ADGRE2: variants seen among roughly 807,000 people sequenced by gnomAD.
ADGRE2 encodes adhesion G protein-coupled receptor E2.
A neutral mutation model predicts 100.8 loss-of-function variants in ADGRE2; 83 were observed. The ratio of observed to expected loss-of-function variants is 0.82; its 90% CI spans 0.69 to 0.99. ADGRE2 has a LOEUF of 0.99. ADGRE2 is among the 50% of genes least tolerant of loss of function. The probability of loss-of-function intolerance (pLI) is 0.00; values close to 1 mark genes in which losing one functional copy is unlikely to be tolerated. For missense variants in ADGRE2, 814 were observed against 1,035.7 expected (o/e 0.79, Z 2.94); for synonymous variants, 355 against 413.0 (o/e 0.86, Z 1.70).
intron 9 of ADGRE2, 24 bp downstream of exon 9, chr19:14,765,500 C>T (rs1187597656): frequency 6.2e-7 from 1 of 1,613,410 alleles, no homozygotes. Flanking sequence ...TTCCCGCCGC[C>T]TCGTCCCTGT....
At chr19:14,751,345 T>G in intron 16 of ADGRE2, 91 bp downstream of exon 16, 1 of 899,430 alleles carries the variant, frequency 1.1e-6, no homozygotes, top group South Asian at 1.5e-5. Flanking sequence ...CTGATCTAAT[T>G]AAAAGCAGGT....
intron 11 of ADGRE2, among the ~76,000 whole-genome samples, chr19:14,757,463 C>T (rs1451544828): frequency 1.3e-5 from 2 of 152,166 alleles, no homozygotes; most frequent in Non-Finnish European, 2.9e-5. Flanking sequence ...ATTCACACTA[C>T]CTGATTCCAA....
intron 7 of ADGRE2, 64 bp downstream of exon 7, chr19:14,766,171 G>GTTTGTGT (rs747334462): frequency 9.3e-6 from 15 of 1,611,760 alleles, no homozygotes; most frequent in Middle Eastern, 3.3e-4. Flanking sequence ...GTTTGTGTGG[G>GTTTGTGT]CGCCGTTGAA....
chr19:14,742,313 C>G (rs1255425173), intron 20 of ADGRE2, among the ~76,000 whole-genome samples: 1 of 152,150 alleles, frequency 6.6e-6, no homozygotes, highest in Non-Finnish European at 1.5e-5. Context: ...CTCACTGCAG[C>G]CTCAAACTCC....
At position 14,746,261 on chromosome 19, in the gene ADGRE2, A is replaced by G. The variant is rs2043083305; in HGVS notation, c.2154T>C (p.Asn718=). ...TGTTCCGGAGGGTGGACACTTCACTATTGAGGGAGGAGAGTCTGTTTTTCA... is the reference window on the plus strand; with the variant it reads ...TGTTCCGGAGGGTGGACACTTCACTGTTGAGGGAGGAGAGTCTGTTTTTCA... ...WILKNRLSSL[N]SEVSTLRNTR... The change falls in exon 18 of 21, where the codon AAT becomes AAC. Residue 718 remains asparagine, a synonymous_variant. Transcript: ENST00000315576. 2 of 1,608,558 alleles carry G rather than the reference A, an allele frequency of 1.2e-6. No homozygotes were observed. The highest frequency in any genetic ancestry group is 1.7e-6 in the Non-Finnish European group (2 of 1,175,360).
intron 20 of ADGRE2, among the ~76,000 whole-genome samples, chr19:14,739,278 T>C (rs1346663235): frequency 6.6e-6 from 1 of 152,170 alleles, no homozygotes; most frequent in Non-Finnish European, 1.5e-5. Flanking sequence ...CCAAGGCACA[T>C]ACATTTTCAA....
At chr19:14,768,859 G>A (rs1030481245) in intron 5 of ADGRE2, 2 of 152,412 alleles carry the variant, frequency 1.3e-5, no homozygotes, top group South Asian at 2.1e-4. Flanking sequence ...TGGCAGGTTC[G>A]ACTGGGGACA....
intron 20 of ADGRE2, 143 bp from the exon 21 acceptor site, chr19:14,736,387 G>C (rs2042746105): frequency 1.8e-6 from 1 of 544,926 alleles, no homozygotes; most frequent in African/African-American, 2.0e-5. Context: ...TCAGCCTCCA[G>C]AGTAGCCAGG....
At chr19:14,755,540 TG>T in intron 13 of ADGRE2, 113 bp downstream of exon 13, 3 of 939,000 alleles carry the variant, frequency 3.2e-6, no homozygotes, top group Non-Finnish European at 5.1e-6. Context: ...CTGACTTTCC[TG>T]GGGAGATAAT....
intron 5 of ADGRE2, among the ~76,000 whole-genome samples, chr19:14,768,495 C>A (rs959696282): frequency 6.6e-6 from 1 of 152,176 alleles, no homozygotes; most frequent in Non-Finnish European, 1.5e-5. Flanking sequence ...TCTGTCATCT[C>A]ATCTCTTGGC....
downstream of ADGRE2, among the ~76,000 whole-genome samples, chr19:14,728,854 G>C (rs1434818320): frequency 6.6e-6 from 1 of 152,216 alleles, no homozygotes; most frequent in African/African-American, 2.4e-5. Flanking sequence ...GAGAACAAAG[G>C]AGGCCAGGGG....
At chr19:14,730,537 C>G (rs921640271), downstream of ADGRE2, among the ~76,000 whole-genome samples, 1 of 115,374 alleles carries the variant, frequency 8.7e-6, no homozygotes, top group African/African-American at 3.0e-5. Context: ...CTTCCTCTCT[C>G]TTTCTGTATT....
chr19:14,770,679 T>C (rs1045861843), intron 5 of ADGRE2, among the ~76,000 whole-genome samples: 71 of 120,272 alleles, frequency 5.9e-4, no homozygotes, highest in African/African-American at 1.3e-3. Context: ...CTTTTTTTTT[T>C]TTTTTTTTTT....
rs374363886 is a variant in ADGRE2, at chr19:14,766,303, C to T, written c.566G>A (p.Cys189Tyr). 4.6e-5 allele frequency: 74 copies of T among 1,614,102 alleles called. No individual in the cohort carries two copies. In the East Asian group the frequency reaches 6.2e-4, roughly 14 times the overall value. The change falls in exon 7 of 21, where the codon TGC (cysteine) becomes TAC (tyrosine). Residue 189 changes from cysteine to tyrosine, a missense_variant. Cys to Tyr is a radical substitution (Grantham distance 194, BLOSUM62 -2). Coordinates refer to ENST00000315576, the MANE Select transcript of ADGRE2 (RefSeq NM_013447.4). ...HCLNNVGSYQ[C>Y]RCRPGWQPIP... ...CGGTTGCCAGCCCGGGCGGCAGCGG[C>T]ACTGATAGCTGCCCACGTTGTTGAG... is the stretch of plus-strand genomic sequence containing the variant.
chr19:14,755,220 GGTC>G (rs2043450001), intron 13 of ADGRE2, 93 bp from the exon 14 acceptor site: 1 of 1,308,152 alleles, frequency 7.6e-7, no homozygotes, highest in Admixed American at 2.1e-5. Flanking sequence ...GATCACTTGA[GGTC>G]AGGAGTTTGA....
chr19:14,775,154 C>A (rs952194419), intron 2 of ADGRE2, among the ~76,000 whole-genome samples: 16 of 149,766 alleles, frequency 1.1e-4, no homozygotes, highest in Non-Finnish European at 2.4e-4. Flanking sequence ...AGGCATGACC[C>A]ACCATGCCCA....
chr19:14,772,594 T>C (rs2044252284), intron 4 of ADGRE2, 97 bp from the exon 5 acceptor site: 1 of 1,446,448 alleles, frequency 6.9e-7, no homozygotes, highest in African/African-American at 1.4e-5. Context: ...GCCTGCTGCT[T>C]AGTATCTTTT....
intron 11 of ADGRE2, among the ~76,000 whole-genome samples, chr19:14,758,725 A>G (rs1312571898): frequency 2.0e-5 from 3 of 152,078 alleles, no homozygotes; most frequent in Non-Finnish European, 4.4e-5. Flanking sequence ...TCTACTAAAA[A>G]TACAAAAAAA....
At chr19:14,731,382 G>A (rs1568568455), downstream of ADGRE2, 3 of 600,808 alleles carry the variant, frequency 5.0e-6, no homozygotes, top group South Asian at 4.3e-5. Flanking sequence ...GCTTCCGGGA[G>A]CTTAGTCACA....
Sources: allele counts gnomAD v4.1 joint callset (sites outside exome capture counted in the v4.1 genomes callset), GRCh38; gene constraint gnomAD v4.1.1; transcripts MANE v1.5; gene names NCBI Gene and HGNC (gene_info 2026-07-23, HGNC 2026-07-21).